DGKB: variants seen among roughly 807,000 people sequenced by gnomAD.
DGKB encodes 90 kDa diacylglycerol kinase.
Under a neutral mutation model 114.3 loss-of-function variants are expected in DGKB, and 67 were observed. The ratio of observed to expected loss-of-function variants is 0.59; its 90% CI spans 0.48 to 0.72. DGKB has a LOEUF of 0.72. Ranked by LOEUF, DGKB falls within the 30% of genes least tolerant of loss-of-function variation. The pLI is 0.00. For synonymous variants in DGKB, 398 were observed against 323.1 expected, an observed-to-expected ratio of 1.23 and a Z score of -2.49; for missense variants, 907 against 975.2, an observed-to-expected ratio of 0.93 and a Z score of 0.93.
chr7:14,364,647 A>T (rs1052724386), intron 21 of DGKB, among the ~76,000 whole-genome samples: 2 of 152,048 alleles, frequency 1.3e-5, no homozygotes, highest in Admixed American at 6.6e-5. Flanking sequence ...TTTAGATTTA[A>T]CAATCATATA....
intron 23 of DGKB, among the ~76,000 whole-genome samples, chr7:14,309,235 A>G (rs558863951): frequency 6.6e-6 from 1 of 152,134 alleles, no homozygotes; most frequent in South Asian, 2.1e-4. Context: ...AAAAAGTAAA[A>G]TACTGTTTTG....
intron 2 of DGKB, among the ~76,000 whole-genome samples, chr7:14,793,213 T>A (rs572158756): frequency 1.3e-5 from 2 of 152,284 alleles, no homozygotes; most frequent in South Asian, 4.1e-4. Context: ...ACTGACATTA[T>A]TCTCATAGAA....
intron 23 of DGKB, among the ~76,000 whole-genome samples, chr7:14,213,940 GTTA>G (rs1360660004): frequency 3.3e-5 from 5 of 152,052 alleles, no homozygotes; most frequent in Non-Finnish European, 1.5e-5. Context: ...CATTTCCCTA[GTTA>G]TTAGTATAGT....
intron 13 of DGKB, among the ~76,000 whole-genome samples, chr7:14,651,136 A>C (rs1313732144): frequency 3.9e-5 from 6 of 152,166 alleles, no homozygotes; most frequent in Non-Finnish European, 5.9e-5. Context: ...AATCCTCCCT[A>C]ACTCATTTGA....
At chr7:14,485,514 G>A (rs925720586) in intron 20 of DGKB, among the ~76,000 whole-genome samples, 5 of 152,078 alleles carry the variant, frequency 3.3e-5, no homozygotes, top group African/African-American at 1.2e-4. Context: ...ATGATTGAGA[G>A]CAAGTTAATG....
intron 15 of DGKB, among the ~76,000 whole-genome samples, chr7:14,620,012 A>G (rs1326729919): frequency 6.6e-6 from 1 of 151,592 alleles, no homozygotes. Flanking sequence ...TAAACTTATC[A>G]ATATTAGGCA....
chr7:14,625,982 C>A (rs753539531), intron 14 of DGKB, among the ~76,000 whole-genome samples: 9 of 151,726 alleles, frequency 5.9e-5, no homozygotes, highest in Non-Finnish European at 1.2e-4. Flanking sequence ...TATTAGAATT[C>A]CAAAAGAATA....
chr7:14,823,638 G>C (rs1845258252), intron 2 of DGKB, among the ~76,000 whole-genome samples: 1 of 151,954 alleles, frequency 6.6e-6, no homozygotes, highest in Admixed American at 6.6e-5. Context: ...ACAATGTTTA[G>C]AATTTGTTAC....
chr7:14,184,494 T>C (rs1783110641), intron 23 of DGKB, among the ~76,000 whole-genome samples: 2 of 152,140 alleles, frequency 1.3e-5, no homozygotes, highest in Non-Finnish European at 2.9e-5. Flanking sequence ...GTGAGGCCTG[T>C]GACTGTGGGC....
intron 1 of DGKB, among the ~76,000 whole-genome samples, chr7:14,926,303 G>A (rs1019352581): frequency 1.3e-5 from 2 of 151,618 alleles, no homozygotes; most frequent in African/African-American, 4.8e-5. Context: ...TTTCATATTG[G>A]CATCTGTTGA....
At chr7:14,844,876 G>A (rs950880824) in intron 1 of DGKB, among the ~76,000 whole-genome samples, 1 of 152,144 alleles carries the variant, frequency 6.6e-6, no homozygotes, top group Non-Finnish European at 1.5e-5. Context: ...GGAGGCCAAG[G>A]TGGGTGGATC....
At chr7:14,343,985 T>G (rs985610827) in intron 22 of DGKB, among the ~76,000 whole-genome samples, 1 of 147,772 alleles carries the variant, frequency 6.8e-6, no homozygotes, top group African/African-American at 2.5e-5. Context: ...AGATGTCATA[T>G]ATTATTATAT....
chr7:14,205,755 A>T (rs1234371758), intron 23 of DGKB, among the ~76,000 whole-genome samples: 1 of 151,958 alleles, frequency 6.6e-6, no homozygotes, highest in Non-Finnish European at 1.5e-5. Flanking sequence ...CTGATCTCTC[A>T]TTCTCAACTG....
At chr7:14,232,249 T>C (rs1791987095) in intron 23 of DGKB, among the ~76,000 whole-genome samples, 1 of 151,936 alleles carries the variant, frequency 6.6e-6, no homozygotes. Context: ...CAGAGACCCC[T>C]ACATACTGGC....
At chr7:14,482,499 A>G (rs1263041747) in intron 20 of DGKB, among the ~76,000 whole-genome samples, 1 of 152,102 alleles carries the variant, frequency 6.6e-6, no homozygotes, top group Non-Finnish European at 1.5e-5. Context: ...GTACATATGA[A>G]TATTAACTCA....
intron 21 of DGKB, among the ~76,000 whole-genome samples, chr7:14,376,481 A>C (rs138319869): frequency 6.6e-6 from 1 of 152,296 alleles, no homozygotes; most frequent in East Asian, 1.9e-4. Flanking sequence ...ATGCCCCCAA[A>C]ATTAACAAAG....
At chr7:14,224,780 T>C (rs1790522708) in intron 23 of DGKB, among the ~76,000 whole-genome samples, 1 of 152,042 alleles carries the variant, frequency 6.6e-6, no homozygotes, top group African/African-American at 2.4e-5. Flanking sequence ...CTATATGCCC[T>C]GCAATGATAG....
intron 23 of DGKB, among the ~76,000 whole-genome samples, chr7:14,244,512 A>G (rs1036218554): frequency 4.0e-5 from 6 of 151,724 alleles, no homozygotes; most frequent in Admixed American, 6.6e-5. Flanking sequence ...AAAAGAAAAA[A>G]AAAGAAAAAC....
At chr7:14,722,674 C>T (rs564333043) in intron 5 of DGKB, among the ~76,000 whole-genome samples, 15 of 151,750 alleles carry the variant, frequency 9.9e-5, no homozygotes, top group African/African-American at 3.4e-4. Flanking sequence ...TAGCTGGGCG[C>T]GGTGGTACAT....
Sources: allele counts gnomAD v4.1 joint callset (sites outside exome capture counted in the v4.1 genomes callset), GRCh38; gene constraint gnomAD v4.1.1; transcripts MANE v1.5; gene names NCBI Gene and HGNC (gene_info 2026-07-23, HGNC 2026-07-21).